PCNX1: variants seen among roughly 807,000 people sequenced by gnomAD.
PCNX1 encodes pecanex-like protein 1.
Under a neutral mutation model 242.2 loss-of-function variants are expected in PCNX1, and 78 were observed. The observed-to-expected ratio is 0.32, with a 90% CI of 0.27 to 0.39. The LOEUF is 0.39. PCNX1 is among the 10% of genes least tolerant of loss of function. The pLI, the probability that PCNX1 is intolerant of heterozygous loss-of-function variation, is 1.00. For missense variants in PCNX1, 2,581 were observed against 2,856.5 expected (o/e 0.90, Z 2.20); for synonymous variants, 1,024 against 1,032.9 (o/e 0.99, Z 0.17).
intron 7 of PCNX1, among the ~76,000 whole-genome samples, chr14:70,993,968 A>G (rs2059249429): frequency 6.6e-6 from 1 of 152,210 alleles, no homozygotes; most frequent in Non-Finnish European, 1.5e-5. Context: ...CTATTCTACA[A>G]ATATTCCAGT....
chr14:70,977,647 C>T lies in PCNX1; in HGVS notation c.1310C>T (p.Pro437Leu). The T allele has an allele frequency of 6.2e-7, 1 of 1,614,038 alleles. No homozygotes were observed. Among genetic ancestry groups the T allele is most frequent in the Non-Finnish European group, 8.5e-7 (1 of 1,180,008 alleles). ...AGGAAGAAAGAGTGCTGTGCAGGCC[C>T]AGAGGAGAAGAATAGCTGTGCCAGT... is the stretch of plus-strand genomic sequence containing the variant. ...SGRKKECCAG[P>L]EEKNSCASDK... Residue 437 changes from proline to leucine, a missense_variant, in exon 6 of 36, where the codon CCA (proline) becomes CTA (leucine). Around this residue, in one of 9 missense-constraint regions of PCNX1, gnomAD observed 1,204 missense variants for 1,216.7 expected, o/e 0.99. Coordinates refer to ENST00000304743, the MANE Select transcript of PCNX1 (RefSeq NM_014982.3).
Position 71,115,046 on chromosome 14 carries a change from T to G in PCNX1, c.*5111T>G. On this transcript the variant is annotated 3_prime_UTR_variant, in exon 36 of 36. Coordinates refer to ENST00000304743, the MANE Select transcript of PCNX1 (RefSeq NM_014982.3). ...GATTAAACCTATACAAGTCTGGCAATGAGCTCTGCATGAGGAAATGGAAGG... is the reference window on the plus strand; with the variant it reads ...GATTAAACCTATACAAGTCTGGCAAGGAGCTCTGCATGAGGAAATGGAAGG... 6.7e-6 allele frequency: 1 copy of G among 150,036 alleles called. No homozygotes were observed. The highest frequency in any genetic ancestry group is 1.5e-5 in the Non-Finnish European group (1 of 67,764). The allele number at this position is 150,036 out of a possible 1,614,324, so 9.3% of individuals were successfully genotyped here. A position where few individuals can be genotyped will look rare whatever the true frequency, so the allele number is the denominator to read the frequency against.
At position 71,110,360 on chromosome 14, in the gene PCNX1, AC is replaced by A; in HGVS notation, c.*426del. ...AATTCATTTACCTTGATTTTTAAGA[AC>A]AGACCAGTGTAGAAATGTTCCTTTT... On this transcript the variant is annotated 3_prime_UTR_variant, in exon 36 of 36. Coordinates refer to ENST00000304743, the MANE Select transcript of PCNX1 (RefSeq NM_014982.3). 1 of 301,016 alleles carries A rather than the reference AC, an allele frequency of 3.3e-6. No homozygotes were observed. Among genetic ancestry groups the A allele is most frequent in the South Asian group, 3.0e-5 (1 of 32,960 alleles). The allele number at this position is 301,016 out of a possible 1,614,324, so 18.6% of individuals were successfully genotyped here. A position where few individuals can be genotyped will look rare whatever the true frequency, so the allele number is the denominator to read the frequency against.
chr14:71,028,692 C>G lies in PCNX1; in HGVS notation c.3467-8C>G. ...AAATGTTTCTTACCTTTTCCTTTTC[C>G]TGTCTAGCCACTACAAGCCTGCTTG... On this transcript the variant is annotated splice_polypyrimidine_tract_variant and splice_region_variant and intron_variant, in intron 15 of 35. Coordinates refer to ENST00000304743, the MANE Select transcript of PCNX1 (RefSeq NM_014982.3). The G allele has an allele frequency of 6.4e-7, 1 of 1,555,612 alleles. No individual in the cohort carries two copies. Among genetic ancestry groups the G allele is most frequent in the Non-Finnish European group, 8.7e-7 (1 of 1,143,388 alleles).
intron 6 of PCNX1, among the ~76,000 whole-genome samples, chr14:70,984,137 G>A (rs527670215): frequency 6.6e-6 from 1 of 151,090 alleles, no homozygotes; most frequent in South Asian, 2.1e-4. Flanking sequence ...TTTCCTAATA[G>A]CATTTTTTCT....
chr14:70,914,978 T>G (rs1468881099), intron 1 of PCNX1, among the ~76,000 whole-genome samples: 2 of 152,178 alleles, frequency 1.3e-5, no homozygotes, highest in African/African-American at 4.8e-5. Flanking sequence ...TTTTTCATTA[T>G]AAATTAGGTT....
chr14:70,943,785 G>A (rs993183277), intron 1 of PCNX1, among the ~76,000 whole-genome samples: 4 of 72 alleles, frequency 0.056, no homozygotes, highest in African/African-American at 0.083. Flanking sequence ...TTTCTTGGGC[G>A]AGGCCAGGGC....
At chr14:71,031,396 G>A (rs2060379606) in intron 16 of PCNX1, among the ~76,000 whole-genome samples, 1 of 152,162 alleles carries the variant, frequency 6.6e-6, no homozygotes, top group South Asian at 2.1e-4. Flanking sequence ...AGCCCAGCAA[G>A]GTGCCCAGTG....
chr14:70,961,203 G>A (rs1403022972), intron 2 of PCNX1, among the ~76,000 whole-genome samples: 5 of 151,958 alleles, frequency 3.3e-5, no homozygotes, highest in Admixed American at 1.3e-4. Flanking sequence ...AGCCCACATC[G>A]CCAAGTCAAT....
intron 21 of PCNX1, 98 bp downstream of exon 21, chr14:71,047,203 T>C (rs545975137): frequency 1.4e-6 from 1 of 706,690 alleles, no homozygotes; most frequent in African/African-American, 2.1e-5. Context: ...GTTTCCTTCA[T>C]GCAAGGCACT....
chr14:70,975,437 C>T (rs1250736435), intron 5 of PCNX1, among the ~76,000 whole-genome samples: 2 of 151,980 alleles, frequency 1.3e-5, no homozygotes, highest in African/African-American at 4.8e-5. Flanking sequence ...AGAGGCTATC[C>T]GTGAATTTTT....
intron 8 of PCNX1, among the ~76,000 whole-genome samples, chr14:71,008,646 A>C (rs1222758579): frequency 1.7e-5 from 2 of 120,552 alleles, no homozygotes; most frequent in African/African-American, 3.4e-5. Flanking sequence ...ACAGAGCGAG[A>C]CTCTGTCTCA....
At chr14:71,018,359 C>T (rs1042441676) in intron 11 of PCNX1, among the ~76,000 whole-genome samples, 1 of 151,872 alleles carries the variant, frequency 6.6e-6, no homozygotes, top group Non-Finnish European at 1.5e-5. Flanking sequence ...ATATGTATAT[C>T]TTGAGCATCA....
intron 30 of PCNX1, chr14:71,092,795 G>C (rs1387450914): frequency 6.6e-6 from 1 of 152,196 alleles, no homozygotes; most frequent in Non-Finnish European, 1.5e-5. Context: ...CCTAAGCCTT[G>C]AGGGGAAAAG....
intron 1 of PCNX1, among the ~76,000 whole-genome samples, chr14:70,913,736 A>G (rs1352808545): frequency 2.0e-5 from 3 of 152,228 alleles, no homozygotes; most frequent in African/African-American, 7.2e-5. Context: ...ATTTTAAACA[A>G]GATTTAGTTA....
At chr14:71,109,118 A>G (rs1169529405) in intron 34 of PCNX1, 72 bp downstream of exon 34, 2 of 1,263,494 alleles carry the variant, frequency 1.6e-6, no homozygotes, top group Admixed American at 5.0e-5. Flanking sequence ...TTGTTGAATG[A>G]AGGACTGTTG....
intron 30 of PCNX1, among the ~76,000 whole-genome samples, chr14:71,098,247 T>G (rs1312564041): frequency 6.6e-6 from 1 of 152,208 alleles, no homozygotes; most frequent in Non-Finnish European, 1.5e-5. Context: ...TACTTATAAT[T>G]GTTTTGGCTG....
intron 1 of PCNX1, 61 bp downstream of exon 1, chr14:70,908,064 G>A (rs1015596923): frequency 4.2e-5 from 61 of 1,468,304 alleles, no homozygotes; most frequent in East Asian, 2.8e-4. Flanking sequence ...GAGATGCTGG[G>A]GTCGCGCCCT....
At chr14:71,026,362 C>T (rs1472884513) in intron 14 of PCNX1, 74 bp downstream of exon 14, 1 of 880,894 alleles carries the variant, frequency 1.1e-6, no homozygotes, top group Non-Finnish European at 1.7e-6. Flanking sequence ...ATAAATATAT[C>T]AATTATACAG....
Sources: gnomAD v4.1 joint callset for allele counts (sites outside exome capture counted in the v4.1 genomes callset) on GRCh38, gnomAD v4.1.1 for gene constraint, gnomAD v4.1.1 regional missense constraint, MANE v1.5 for transcripts, NCBI Gene and HGNC (gene_info 2026-07-23, HGNC 2026-07-21) for gene names.